Variants in PKHD1 observed in about 807,000 individuals in gnomAD.
PKHD1 encodes the protein PKHD1 ciliary IPT domain containing fibrocystin/polyductin.
In PKHD1, 291 loss-of-function variants were observed where a neutral mutation model predicts 412.0. That is an observed-to-expected ratio of 0.71 (90% CI 0.64 to 0.78). The LOEUF (loss-of-function observed/expected upper bound fraction) is 0.78, where lower values mean the gene tolerates loss of function less well. PKHD1 is among the 30% of genes least tolerant of loss of function. The probability of loss-of-function intolerance (pLI) is 0.00; values close to 1 mark genes in which losing one functional copy is unlikely to be tolerated. For missense variants in PKHD1, 4,825 were observed against 4,950.7 expected (o/e 0.97, Z 0.76); for synonymous variants, 1,777 against 1,821.5 (o/e 0.98, Z 0.62).
At chr6:51,814,997 G>C (rs1354578872) in intron 52 of PKHD1, among the ~76,000 whole-genome samples, 1 of 152,186 alleles carries the variant, frequency 6.6e-6, no homozygotes, top group Non-Finnish European at 1.5e-5. Context: ...AGGTCTTCCA[G>C]AGAAAATCAG....
At chr6:51,698,262 T>C (rs814202) in intron 60 of PKHD1, among the ~76,000 whole-genome samples, 107,682 of 152,110 alleles carry the variant, frequency 0.71, 40,927 homozygotes, top group Non-Finnish European at 0.83. Context: ...CATTGCAGAG[T>C]AGAAAATCAA....
intron 28 of PKHD1, 32 bp downstream of exon 28, chr6:52,035,559 G>A (rs1335967703): frequency 6.2e-7 from 1 of 1,604,570 alleles, no homozygotes; most frequent in Non-Finnish European, 8.5e-7. Flanking sequence ...CACTCACCCA[G>A]AGAGAAAGAG....
chr6:51,739,679 G>A (rs530076447), intron 60 of PKHD1, among the ~76,000 whole-genome samples: 14 of 152,298 alleles, frequency 9.2e-5, no homozygotes, highest in Middle Eastern at 3.4e-3. Context: ...CTGGTAGACA[G>A]AAAGTAGGCA....
At chr6:51,941,231 A>C (rs1583480040) in intron 36 of PKHD1, among the ~76,000 whole-genome samples, 4 of 125,710 alleles carry the variant, frequency 3.2e-5, no homozygotes, top group East Asian at 2.4e-4. Context: ...CTGTTACAGC[A>C]TGGCCTTTTT....
At chr6:51,785,857 C>A (rs529023919) in intron 53 of PKHD1, among the ~76,000 whole-genome samples, 2 of 152,048 alleles carry the variant, frequency 1.3e-5, no homozygotes, top group Middle Eastern at 3.2e-3. Flanking sequence ...GTACATTTAG[C>A]GCAGACCTCT....
intron 36 of PKHD1, among the ~76,000 whole-genome samples, chr6:51,950,220 A>AAAAAAAAAAAAAAAATATAT: frequency 6.1e-5 from 6 of 98,298 alleles, no homozygotes; most frequent in African/African-American, 2.3e-4. Flanking sequence ...GAAAAAAAAA[A>AAAAAAAAAAAAAAAATATAT]ATATATATAT....
chr6:51,870,160 A>C (rs1322260886), intron 47 of PKHD1, among the ~76,000 whole-genome samples: 2 of 152,158 alleles, frequency 1.3e-5, no homozygotes, highest in Non-Finnish European at 2.9e-5. Context: ...CATTTAATCA[A>C]TAAACTGCCT....
intron 19 of PKHD1, 151 bp downstream of exon 19, chr6:52,055,436 C>T (rs865860428): frequency 1.3e-6 from 1 of 793,794 alleles, no homozygotes; most frequent in Non-Finnish European, 2.1e-6. Flanking sequence ...ATACCTGAAA[C>T]AGCAGTCGAG....
In PKHD1 at chr6:52,071,086, A is replaced by T. The variant is rs562978382; in HGVS notation, c.603-16T>A. 25 of 1,551,078 alleles carry T rather than the reference A, an allele frequency of 1.6e-5. No individual in the cohort carries two copies. In the African/African-American group the frequency reaches 1.6e-4, roughly 10 times the overall value. ...AATAGGATAACTAAGGAAAAGACAAACTGAGGTAAGAATGACCAGACAACT... is the reference window on the plus strand; with the variant it reads ...AATAGGATAACTAAGGAAAAGACAATCTGAGGTAAGAATGACCAGACAACT... On this transcript the variant is annotated splice_polypyrimidine_tract_variant and intron_variant, in intron 8 of 66. Coordinates refer to ENST00000371117, the MANE Select transcript of PKHD1 (RefSeq NM_138694.4).
chr6:51,782,582 C>T (rs1020533520), intron 53 of PKHD1, among the ~76,000 whole-genome samples: 5 of 152,060 alleles, frequency 3.3e-5, no homozygotes, highest in Non-Finnish European at 5.9e-5. Flanking sequence ...ATCAAACAAC[C>T]GTTAGTTTGA....
intron 60 of PKHD1, among the ~76,000 whole-genome samples, chr6:51,688,281 T>A (rs759402355): frequency 1.3e-5 from 2 of 152,202 alleles, no homozygotes; most frequent in African/African-American, 2.4e-5. Flanking sequence ...TTGGGGAGAA[T>A]TGGACTTGGG....
chr6:51,698,556 A>C (rs1779062056), intron 60 of PKHD1, among the ~76,000 whole-genome samples: 1 of 152,134 alleles, frequency 6.6e-6, no homozygotes, highest in African/African-American at 2.4e-5. Context: ...TAATGATCTG[A>C]TCTAGGATGG....
chr6:51,847,271 T>C (rs1771346755), intron 50 of PKHD1, among the ~76,000 whole-genome samples: 1 of 150,152 alleles, frequency 6.7e-6, no homozygotes, highest in South Asian at 2.1e-4. Flanking sequence ...TTTTTTTTTT[T>C]TTTTTTTTTT....
At chr6:51,811,922 T>A (rs946449272) in intron 52 of PKHD1, among the ~76,000 whole-genome samples, 10 of 152,118 alleles carry the variant, frequency 6.6e-5, no homozygotes, top group African/African-American at 1.2e-4. Context: ...CAGAAAAAAA[T>A]TATGTATTAT....
At chr6:52,008,275 A>G (rs368757472) in intron 35 of PKHD1, among the ~76,000 whole-genome samples, 1 of 152,182 alleles carries the variant, frequency 6.6e-6, no homozygotes, top group South Asian at 2.1e-4. Context: ...CAGTTAACTC[A>G]TCTCTGAAAT....
intron 2 of PKHD1, among the ~76,000 whole-genome samples, chr6:52,083,669 T>A (rs1428841820): frequency 6.6e-6 from 1 of 152,132 alleles, no homozygotes; most frequent in African/African-American, 2.4e-5. Context: ...GGTGGCCATA[T>A]TTCCCTGTAA....
chr6:51,805,793 T>C (rs1433306286), intron 52 of PKHD1, among the ~76,000 whole-genome samples: 3 of 152,100 alleles, frequency 2.0e-5, no homozygotes, highest in Non-Finnish European at 1.5e-5. Flanking sequence ...TAGATGAGGG[T>C]AAGCACAGCA....
At chr6:51,844,146 C>T (rs958019067) in intron 50 of PKHD1, among the ~76,000 whole-genome samples, 1 of 152,206 alleles carries the variant, frequency 6.6e-6, no homozygotes, top group Non-Finnish European at 1.5e-5. Flanking sequence ...ACATTAACCA[C>T]ACTTGAATAT....
rs1026713137 is a variant in PKHD1, at chr6:52,040,461, A to G, written c.3097+2398T>C. On this transcript the variant is annotated intron_variant, in intron 27 of 66. Coordinates refer to ENST00000371117, the MANE Select transcript of PKHD1 (RefSeq NM_138694.4). The stretch of plus-strand genomic sequence containing the variant: ...GTTCTCACACAGCAGCCTAAGTCAG[A>G]TCATGTCACTTCACTTGAAATCCTC... Among the ~76,000 whole-genome samples the G allele has an allele frequency of 5.9e-5, 9 of 152,210 alleles. No individual in the cohort carries two copies. The South Asian group carries it at 1.9e-3, about 32-fold the overall frequency.
Sources: gnomAD v4.1 joint callset for allele counts (sites outside exome capture counted in the v4.1 genomes callset) on GRCh38, gnomAD v4.1.1 for gene constraint, MANE v1.5 for transcripts, NCBI Gene and HGNC (gene_info 2026-07-23, HGNC 2026-07-21) for gene names.